The following ASXL2 variants were observed in gnomAD, a reference collection of about 807,000 sequenced individuals.
ASXL2 encodes ASXL transcriptional regulator 2.
ASXL2 carries 23 observed loss-of-function variants against 122.0 expected under a neutral mutation model. The observed-to-expected ratio is 0.19, with a 90% confidence interval of 0.14 to 0.27. The LOEUF (loss-of-function observed/expected upper bound fraction) is 0.27, where lower values mean the gene tolerates loss of function less well. ASXL2 is among the 10% of genes least tolerant of loss of function. ASXL2 has a pLI of 1.00. For missense variants in ASXL2, 1,518 were observed against 1,713.8 expected (o/e 0.89, Z 2.02); for synonymous variants, 650 against 637.0 (o/e 1.02, Z -0.31).
At chr2:25,860,621 GA>G (rs946947121) in intron 1 of ASXL2, among the ~76,000 whole-genome samples, 19 of 151,838 alleles carry the variant, frequency 1.3e-4, no homozygotes, top group African/African-American at 4.6e-4. Flanking sequence ...TGAGGCAAGA[GA>G]ATTGCTTGAA....
At chr2:25,767,771 T>C (rs17680828) in intron 7 of ASXL2, 45 bp from the exon 8 acceptor site, 316,571 of 1,598,202 alleles carry the variant, frequency 0.2, 33,819 homozygotes, top group Non-Finnish European at 0.22. Flanking sequence ...ACTGAGATTA[T>C]AGACAGAATC....
chr2:25,855,777 A>T (rs1477015242), intron 1 of ASXL2, among the ~76,000 whole-genome samples: 2 of 150,932 alleles, frequency 1.3e-5, no homozygotes, highest in Non-Finnish European at 3.0e-5. Context: ...CAGAGGTTGC[A>T]GTGAGCCGAG....
In ASXL2 at chr2:25,790,993, C is replaced by A. The variant is rs1046902168; in HGVS notation, c.403+8392G>T. Among the ~76,000 whole-genome samples, 10 of 151,642 alleles carry A rather than the reference C, an allele frequency of 6.6e-5. No individual in the cohort carries two copies. The East Asian group carries it at 2.0e-3, about 30-fold the overall frequency. On this transcript the variant is annotated intron_variant, in intron 5 of 12. Coordinates refer to ENST00000435504, the MANE Select transcript of ASXL2 (RefSeq NM_018263.6). ...TGTTTTTTATTTAGAGACAAGGTCT[C>A]ACCATGTTGCCCAAGGTGGTCTTGA...
chr2:25,765,106 T>A (rs968930018), intron 8 of ASXL2, among the ~76,000 whole-genome samples: 2 of 152,222 alleles, frequency 1.3e-5, no homozygotes, highest in Non-Finnish European at 2.9e-5. Flanking sequence ...ATGATACCAA[T>A]GTCAGCTAGA....
chr2:25,791,574 C>A (rs2088835245), intron 5 of ASXL2, among the ~76,000 whole-genome samples: 1 of 151,870 alleles, frequency 6.6e-6, no homozygotes. Flanking sequence ...ATCCAAATTT[C>A]TTTCCCTCCA....
intron 3 of ASXL2, among the ~76,000 whole-genome samples, chr2:25,825,234 T>C (rs1190765325): frequency 2.0e-5 from 3 of 152,236 alleles, no homozygotes; most frequent in Non-Finnish European, 4.4e-5. Flanking sequence ...CCTACTAATA[T>C]AACAAGATGG....
intron 5 of ASXL2, among the ~76,000 whole-genome samples, chr2:25,797,657 T>A (rs777948747): frequency 5.9e-5 from 9 of 152,156 alleles, no homozygotes; most frequent in Non-Finnish European, 1.2e-4. Flanking sequence ...ACATATGTCA[T>A]TAGGGAAATG....
intron 3 of ASXL2, among the ~76,000 whole-genome samples, chr2:25,819,142 T>C (rs1343622478): frequency 6.6e-6 from 1 of 152,150 alleles, no homozygotes; most frequent in Non-Finnish European, 1.5e-5. Context: ...AAGCTGATCA[T>C]TCCCCAATCA....
At chr2:25,868,806 AC>A (rs2089931051) in intron 1 of ASXL2, among the ~76,000 whole-genome samples, 1 of 152,166 alleles carries the variant, frequency 6.6e-6, no homozygotes, top group South Asian at 2.1e-4. Flanking sequence ...ATAGGAGAGG[AC>A]TGCTTGAGCC....
rs1559497143 is a variant in ASXL2, at chr2:25,741,964, C to CA, written c.*64dup. The CA allele has an allele frequency of 6.7e-7, 1 of 1,497,330 alleles. No homozygotes were observed. The highest frequency in any genetic ancestry group is 1.4e-5 in the African/African-American group (1 of 71,556). The allele number at this position is 1,497,330 out of a possible 1,614,324, so 92.8% of individuals were successfully genotyped here. A position where few individuals can be genotyped will look rare whatever the true frequency, so the allele number is the denominator to read the frequency against. ...TTATTTCTGTGATTCCAAAAGGACGCAAAAAACCCAACTGGTCAACCCTTC... is the reference window on the plus strand; with the variant it reads ...TTATTTCTGTGATTCCAAAAGGACGCAAAAAAACCCAACTGGTCAACCCTTC... On this transcript the variant is annotated 3_prime_UTR_variant, in exon 13 of 13. Transcript: ENST00000435504.
chr2:25,838,229 G>A lies in ASXL2; in HGVS notation c.141-2689C>T, dbSNP rs548832868. On this transcript the variant is annotated intron_variant, in intron 2 of 12. Transcript: ENST00000435504. ...AAGGTGGGACAGATTCCCCAGCAGAGGGCTTTTCAGCTAAGCTCTTTTAGT... is the reference window on the plus strand; with the variant it reads ...AAGGTGGGACAGATTCCCCAGCAGAAGGCTTTTCAGCTAAGCTCTTTTAGT... Among the ~76,000 whole-genome samples, 53 of 152,334 alleles carry A rather than the reference G, an allele frequency of 3.5e-4. 1 individual carries two copies. In the South Asian group the frequency reaches 0.011, roughly 32 times the overall value.
At chr2:25,746,219 T>C (rs144790201) in intron 12 of ASXL2, among the ~76,000 whole-genome samples, 4 of 152,304 alleles carry the variant, frequency 2.6e-5, no homozygotes, top group Admixed American at 1.3e-4. Flanking sequence ...ACATTTTTCA[T>C]TATTTGCAAT....
Position 25,733,867 on chromosome 2 carries a change from A to C in ASXL2, c.*8162T>G, listed in dbSNP as rs2087687358. ...GAAGGTTGTTTTTATACGACCAATG[A>C]AACAGCCTAAAAGTGACAGGAAAGA... On this transcript the variant is annotated 3_prime_UTR_variant, in exon 13 of 13. Coordinates refer to ENST00000435504, the MANE Select transcript of ASXL2 (RefSeq NM_018263.6). 1 of 152,238 alleles carries C rather than the reference A, an allele frequency of 6.6e-6. No individual in the cohort carries two copies. Among genetic ancestry groups the C allele is most frequent in the South Asian group, 2.1e-4 (1 of 4,838 alleles). The allele number at this position is 152,238 out of a possible 1,614,324, so 9.4% of individuals were successfully genotyped here.
chr2:25,844,886 C>T (rs1012192349), intron 2 of ASXL2, among the ~76,000 whole-genome samples: 3 of 152,120 alleles, frequency 2.0e-5, no homozygotes, highest in Admixed American at 6.6e-5. Flanking sequence ...ATCCTCCCAC[C>T]TCAGCCTCCC....
At chr2:25,856,650 G>A in intron 1 of ASXL2, 1 of 1,258,768 alleles carries the variant, frequency 7.9e-7, no homozygotes, top group Non-Finnish European at 1.2e-6. Context: ...AGTCTCCCCA[G>A]AGTGGTGGCT....
At chr2:25,866,880 G>A (rs779422737) in intron 1 of ASXL2, among the ~76,000 whole-genome samples, 3 of 151,838 alleles carry the variant, frequency 2.0e-5, no homozygotes, top group South Asian at 2.1e-4. Context: ...TTACAGGCAC[G>A]CGCCACCACG....
chr2:25,759,436 T>A (rs769083067), intron 9 of ASXL2, 46 bp downstream of exon 9: 1 of 1,575,666 alleles, frequency 6.3e-7, no homozygotes, highest in African/African-American at 1.3e-5. Context: ...TTTACAAGTA[T>A]ACATAAACAG....
chr2:25,756,249 T>C (rs1436063269), intron 9 of ASXL2, 135 bp from the exon 10 acceptor site: 2 of 416,636 alleles, frequency 4.8e-6, no homozygotes, highest in African/African-American at 4.2e-5. Context: ...TCATACTATG[T>C]GCTTATCCAA....
intron 5 of ASXL2, among the ~76,000 whole-genome samples, chr2:25,782,172 C>T (rs752427043): frequency 3.3e-5 from 5 of 151,900 alleles, no homozygotes; most frequent in Non-Finnish European, 5.9e-5. Flanking sequence ...TCTGAAAAAA[C>T]AAAGTAGTTT....
Sources: gnomAD v4.1 joint callset for allele counts (sites outside exome capture counted in the v4.1 genomes callset) on GRCh38, gnomAD v4.1.1 for gene constraint, MANE v1.5 for transcripts, NCBI Gene and HGNC (gene_info 2026-07-23, HGNC 2026-07-21) for gene names.